Variants in MTMR12 observed in about 807,000 individuals in gnomAD.
The protein encoded by MTMR12 is myotubularin related protein 12.
Under a neutral mutation model 96.7 loss-of-function variants are expected in MTMR12, and 33 were observed. The observed-to-expected ratio is 0.34, with a 90% CI of 0.26 to 0.46. The LOEUF (loss-of-function observed/expected upper bound fraction) is 0.46. Ranked by LOEUF, MTMR12 falls within the 20% of genes least tolerant of loss-of-function variation. The pLI is 1.00. For synonymous variants in MTMR12, 298 were observed against 327.2 expected, an observed-to-expected ratio of 0.91 and a Z score of 0.96; for missense variants, 721 against 896.1, an observed-to-expected ratio of 0.80 and a Z score of 2.49.
intron 1 of MTMR12, among the ~76,000 whole-genome samples, chr5:32,284,606 AG>A (rs2112115509): frequency 6.6e-6 from 1 of 152,202 alleles, no homozygotes; most frequent in Non-Finnish European, 1.5e-5. Context: ...ACCATAAACT[AG>A]TTTTACAGAA....
At chr5:32,246,048 T>C (rs914564993) in intron 10 of MTMR12, among the ~76,000 whole-genome samples, 4 of 152,232 alleles carry the variant, frequency 2.6e-5, no homozygotes, top group Admixed American at 6.5e-5. Context: ...CTTCTCCTGT[T>C]ACAATTCTTC....
rs1026952482 is a variant in MTMR12 at position 32,229,586 on chromosome 5, C to T, written c.*192G>A. ...CTTCCAATTAGTAATACTACAGATG[C>T]GGTTTTAATTGCATAGTCTTTTAGA... On this transcript the variant is annotated 3_prime_UTR_variant, in exon 16 of 16. Coordinates refer to ENST00000382142, the MANE Select transcript of MTMR12 (RefSeq NM_001040446.3). 9 of 459,110 alleles carry T rather than the reference C, an allele frequency of 2.0e-5. No homozygotes were observed. The highest frequency in any genetic ancestry group is 8.1e-5 in the Admixed American group (2 of 24,666). 28.4% of individuals were successfully genotyped at this position (459,110 alleles called of 1,614,324 possible).
intron 1 of MTMR12, among the ~76,000 whole-genome samples, chr5:32,282,460 TAAATA>T (rs933314143): frequency 6.8e-6 from 1 of 147,902 alleles, no homozygotes; most frequent in African/African-American, 2.5e-5. Context: ...AATAAATAAA[TAAATA>T]AAATAAAAAA....
At position 32,263,202 on chromosome 5, in the gene MTMR12, A is replaced by C. The variant is rs1232016364; in HGVS notation, c.624T>G (p.Leu208=). ...GTTCCAGTTCCCAACACCAGTCCTT[A>C]AGTGTGTCAAACATTACGGTATGGT... ...PKNHTVMFDT[L]KDWCWELERT... is the part of the protein sequence containing the mutation. Residue 208 remains leucine (L), a synonymous_variant, in exon 7 of 16, where the codon CTT becomes CTG. Transcript: ENST00000382142. 5.0e-6 allele frequency: 8 copies of C among 1,614,038 alleles called. No homozygotes were observed. Among genetic ancestry groups the C allele is most frequent in the Non-Finnish European group, 5.1e-6 (6 of 1,180,022 alleles).
intron 8 of MTMR12, among the ~76,000 whole-genome samples, chr5:32,252,801 T>C (rs142460758): frequency 5.3e-4 from 80 of 152,238 alleles, no homozygotes; most frequent in Non-Finnish European, 8.1e-4. Context: ...CTCTTAAATA[T>C]CTGGTTTAAG....
At chr5:32,242,814 C>A (rs897247925) in intron 11 of MTMR12, among the ~76,000 whole-genome samples, 1 of 151,942 alleles carries the variant, frequency 6.6e-6, no homozygotes, top group Non-Finnish European at 1.5e-5. Flanking sequence ...AATTATGAGA[C>A]GTGTAGCAGG....
At chr5:32,249,622 G>A (rs572682658) in intron 8 of MTMR12, among the ~76,000 whole-genome samples, 28 of 152,258 alleles carry the variant, frequency 1.8e-4, no homozygotes, top group African/African-American at 6.5e-4. Context: ...AAATTTCAAG[G>A]CACAACAAAA....
chr5:32,242,025 G>A (rs374188472), intron 12 of MTMR12, 32 bp downstream of exon 12: 24 of 1,553,116 alleles, frequency 1.5e-5, no homozygotes, highest in African/African-American at 2.7e-5. Flanking sequence ...GAAGGAAAAT[G>A]GAAATCATCC....
At chr5:32,243,702 T>C (rs1748565533) in intron 10 of MTMR12, 103 bp from the exon 11 acceptor site, 1 of 676,662 alleles carries the variant, frequency 1.5e-6, no homozygotes, top group African/African-American at 1.8e-5. Flanking sequence ...TTAACAGTCC[T>C]GACTCAAACT....
At chr5:32,246,155 C>A (rs371287397) in intron 10 of MTMR12, among the ~76,000 whole-genome samples, 1 of 138,114 alleles carries the variant, frequency 7.2e-6, no homozygotes, top group African/African-American at 2.6e-5. Flanking sequence ...GGTTTCGGTG[C>A]CTATTGAGTA....
At position 32,274,058 on chromosome 5, in the gene MTMR12, A is replaced by G; in HGVS notation, c.207T>C (p.His69=). 1 of 1,614,212 alleles carries G rather than the reference A, an allele frequency of 6.2e-7. No individual in the cohort carries two copies. Among genetic ancestry groups the G allele is most frequent in the East Asian group, 2.2e-5 (1 of 44,882 alleles). Residue 69 remains histidine, a synonymous_variant, in exon 3 of 16, where the codon CAT becomes CAC. Coordinates refer to ENST00000382142, the MANE Select transcript of MTMR12 (RefSeq NM_001040446.3). ...TGCAGACAAGCCTCCCATAGACCCC[A>G]TGCTGACAGGAATCTTCCTGGACAT... ...LKYVQEDSCQ[H]GVYGRLVCTD... is the part of the protein sequence containing the mutation.
chr5:32,251,653 G>A (rs147175577), intron 8 of MTMR12, among the ~76,000 whole-genome samples: 31 of 152,258 alleles, frequency 2.0e-4, no homozygotes, highest in African/African-American at 6.0e-4. Flanking sequence ...GCTTGACTAC[G>A]AAGGAAGTGC....
chr5:32,294,127 C>G (rs1039045093), intron 1 of MTMR12, among the ~76,000 whole-genome samples: 8 of 152,124 alleles, frequency 5.3e-5, no homozygotes, highest in African/African-American at 1.9e-4. Context: ...TGGGACCACC[C>G]AACCCACTGT....
At position 32,301,381 on chromosome 5, in the gene MTMR12, C is replaced by A. The variant is rs1462939778; in HGVS notation, c.81+11377G>T. ...ATACCCAATACCACAGACTGACTGA[C>A]CCCCTAGGGAAAGTGCTATTCCCAG... On this transcript the variant is annotated intron_variant, in intron 1 of 15. Transcript: ENST00000382142. 3.9e-5 allele frequency among the ~76,000 whole-genome samples: 6 copies of A among 152,160 alleles called. No homozygotes were observed. In the East Asian group the frequency reaches 1.2e-3, roughly 29 times the overall value.
intron 1 of MTMR12, among the ~76,000 whole-genome samples, chr5:32,284,276 C>T (rs1263888443): frequency 1.4e-5 from 2 of 144,796 alleles, no homozygotes; most frequent in East Asian, 2.0e-4. Context: ...TATGATTGCA[C>T]CACTGTACTC....
intron 1 of MTMR12, among the ~76,000 whole-genome samples, chr5:32,295,988 T>C (rs1242140780): frequency 6.6e-6 from 1 of 151,860 alleles, no homozygotes; most frequent in East Asian, 1.9e-4. Flanking sequence ...ACCCCATCTC[T>C]ACTAAAAATA....
At chr5:32,300,948 G>A (rs1215001802) in intron 1 of MTMR12, among the ~76,000 whole-genome samples, 36 of 152,086 alleles carry the variant, frequency 2.4e-4, no homozygotes, top group Admixed American at 2.4e-3. Flanking sequence ...GGTGGCATGC[G>A]CCTGTAGTCC....
chr5:32,272,611 T>G (rs925492759), intron 3 of MTMR12, among the ~76,000 whole-genome samples: 24 of 152,072 alleles, frequency 1.6e-4, no homozygotes, highest in Admixed American at 2.6e-4. Context: ...ACTCCTGAGC[T>G]CAAGCAATCC....
chr5:32,303,373 G>A (rs1008102041), intron 1 of MTMR12, among the ~76,000 whole-genome samples: 3 of 152,266 alleles, frequency 2.0e-5, no homozygotes, highest in Admixed American at 6.5e-5. Context: ...AAGGAAGGGT[G>A]AGGCCCTGAG....
Sources: allele counts gnomAD v4.1 joint callset (sites outside exome capture counted in the v4.1 genomes callset), GRCh38; gene constraint gnomAD v4.1.1; transcripts MANE v1.5; gene names NCBI Gene and HGNC (gene_info 2026-07-23, HGNC 2026-07-21).